Variants in BMPR1B observed in about 807,000 individuals in gnomAD.
BMPR1B encodes the protein bone morphogenetic protein receptor type 1B.
BMPR1B carries 12 observed loss-of-function variants against 59.1 expected under a neutral mutation model. That is an observed-to-expected ratio of 0.20 (90% CI 0.13 to 0.33). The LOEUF (loss-of-function observed/expected upper bound fraction) is 0.33, where lower values mean the gene tolerates loss of function less well. BMPR1B is among the 10% of genes least tolerant of loss of function. The probability of loss-of-function intolerance (pLI) is 1.00; values close to 1 mark genes in which losing one functional copy is unlikely to be tolerated. For missense variants in BMPR1B, 550 were observed against 610.9 expected, an observed-to-expected ratio of 0.90 and a Z score of 1.05; for synonymous variants, 237 against 207.3, an observed-to-expected ratio of 1.14 and a Z score of -1.23.
intron 2 of BMPR1B, among the ~76,000 whole-genome samples, chr4:94,960,686 T>G (rs1051653273): frequency 5.3e-5 from 8 of 151,192 alleles, no homozygotes; most frequent in African/African-American, 2.0e-4. Flanking sequence ...TAAGGAATTT[T>G]ATACAGGCTA....
intron 12 of BMPR1B, among the ~76,000 whole-genome samples, chr4:95,153,963 A>G (rs570182037): frequency 1.1e-4 from 16 of 152,238 alleles, no homozygotes; most frequent in South Asian, 2.1e-4. Context: ...GCTTTATGAG[A>G]TGCTGGAGCT....
intron 2 of BMPR1B, among the ~76,000 whole-genome samples, chr4:94,902,674 G>T (rs1578782456): frequency 6.6e-6 from 1 of 151,702 alleles, no homozygotes; most frequent in Admixed American, 6.6e-5. Flanking sequence ...TTTAATCTTT[G>T]AGTTATTGCT....
At chr4:95,035,766 C>T (rs536001038) in intron 3 of BMPR1B, among the ~76,000 whole-genome samples, 109 of 152,190 alleles carry the variant, frequency 7.2e-4, no homozygotes, top group African/African-American at 2.5e-3. Flanking sequence ...TATACAGACT[C>T]TTTTGTGGTT....
chr4:95,081,586 A>T (rs1277564308), intron 3 of BMPR1B, among the ~76,000 whole-genome samples: 2 of 152,170 alleles, frequency 1.3e-5, no homozygotes, highest in South Asian at 4.1e-4. Flanking sequence ...CTGTTGTTTC[A>T]TATTCATGCA....
intron 2 of BMPR1B, among the ~76,000 whole-genome samples, chr4:94,983,160 A>G (rs1332905840): frequency 6.6e-6 from 1 of 152,102 alleles, no homozygotes; most frequent in Non-Finnish European, 1.5e-5. Flanking sequence ...GCTCTGCTTT[A>G]AGCAGACATT....
At chr4:94,811,740 C>T (rs561628489) in intron 1 of BMPR1B, among the ~76,000 whole-genome samples, 1 of 152,164 alleles carries the variant, frequency 6.6e-6, no homozygotes, top group South Asian at 2.1e-4. Context: ...CCTTTGAATC[C>T]AAATATTTTC....
chr4:94,906,577 A>G (rs1234004661), intron 2 of BMPR1B, among the ~76,000 whole-genome samples: 2 of 152,036 alleles, frequency 1.3e-5, no homozygotes, highest in African/African-American at 2.4e-5. Context: ...TGACGGGTGC[A>G]GCAAACCACC....
At chr4:94,781,454 C>A (rs889992946) in intron 1 of BMPR1B, among the ~76,000 whole-genome samples, 1 of 151,962 alleles carries the variant, frequency 6.6e-6, no homozygotes, top group African/African-American at 2.4e-5. Context: ...GCTCTGTCAC[C>A]CAGGCCAGAG....
chr4:94,984,601 A>G (rs1721288999), intron 2 of BMPR1B, among the ~76,000 whole-genome samples: 1 of 152,208 alleles, frequency 6.6e-6, no homozygotes, highest in Non-Finnish European at 1.5e-5. Flanking sequence ...AGGTTTTTCA[A>G]AAGGACAGTC....
Position 94,868,090 on chromosome 4 carries a change from T to G in BMPR1B, c.-182-7741T>G, listed in dbSNP as rs563775470. ...GTTGCCCAGTCTAATCTAGAAGTTT[T>G]GGGCTCAAGCAGTTCTCTTGCCTCA... On this transcript the variant is annotated intron_variant, in intron 1 of 12. Transcript: ENST00000515059. Among the ~76,000 whole-genome samples, 14 of 151,978 alleles carry G rather than the reference T, an allele frequency of 9.2e-5. No homozygotes were observed. The South Asian group carries it at 2.7e-3, about 29-fold the overall frequency.
intron 3 of BMPR1B, among the ~76,000 whole-genome samples, chr4:95,026,098 ATTTCTTTCTTTCTTTCTTTCTTTC>A (rs70946580): frequency 5.6e-4 from 57 of 101,714 alleles, no homozygotes; most frequent in Middle Eastern, 4.8e-3. Context: ...GCTTTCTTTC[ATTTCTTTCTTTCTTTCTTTCTTTC>A]TTTCTTTCTT....
At chr4:94,875,502 G>A (rs532959133) in intron 1 of BMPR1B, among the ~76,000 whole-genome samples, 2 of 152,272 alleles carry the variant, frequency 1.3e-5, no homozygotes, top group African/African-American at 4.8e-5. Flanking sequence ...GGCTAACACG[G>A]TGAAACCCCG....
chr4:95,115,738 C>T lies in BMPR1B; in HGVS notation c.300C>T (p.Asn100=), dbSNP rs140499888. The T allele has an allele frequency of 3.3e-4, 530 of 1,613,604 alleles. No homozygotes were observed. The highest frequency in any genetic ancestry group is 4.2e-4 in the Non-Finnish European group (490 of 1,179,810). The change falls in exon 6 of 13, where the codon AAC becomes AAT. Residue 100 remains asparagine (N), a synonymous_variant. Transcript: ENST00000515059. ...RRSIECCTER[N]ECNKDLHPTL... is the part of the protein sequence containing the mutation. Reference sequence around the variant, plus strand: ...CAATTGAATGCTGCACAGAAAGGAACGAATGTAATAAAGACCTACACCCTA... The same window carrying T: ...CAATTGAATGCTGCACAGAAAGGAATGAATGTAATAAAGACCTACACCCTA...
chr4:95,114,879 C>A, intron 5 of BMPR1B, 57 bp downstream of exon 5: 2 of 1,485,318 alleles, frequency 1.3e-6, no homozygotes, highest in African/African-American at 1.4e-5. Flanking sequence ...CAACAAGTTT[C>A]AAGCAAGATA....
At chr4:94,799,871 A>G (rs1184292604) in intron 1 of BMPR1B, among the ~76,000 whole-genome samples, 1 of 151,510 alleles carries the variant, frequency 6.6e-6, no homozygotes. Context: ...TTGTGTTTTT[A>G]GTAGAGATGG....
intron 3 of BMPR1B, among the ~76,000 whole-genome samples, chr4:95,072,814 T>A (rs1187046730): frequency 6.6e-6 from 1 of 152,160 alleles, no homozygotes; most frequent in Non-Finnish European, 1.5e-5. Flanking sequence ...AATTATTTCA[T>A]TAATCATTTT....
intron 3 of BMPR1B, among the ~76,000 whole-genome samples, chr4:95,035,212 C>A (rs1255694004): frequency 1.3e-5 from 2 of 152,110 alleles, no homozygotes; most frequent in Non-Finnish European, 2.9e-5. Flanking sequence ...TGAATATTTT[C>A]TCCCACACTG....
At chr4:95,082,695 C>G (rs1264123148) in intron 3 of BMPR1B, among the ~76,000 whole-genome samples, 1 of 152,018 alleles carries the variant, frequency 6.6e-6, no homozygotes, top group Non-Finnish European at 1.5e-5. Flanking sequence ...ATTCAGTACC[C>G]TTTTTTCATG....
intron 1 of BMPR1B, among the ~76,000 whole-genome samples, chr4:94,776,189 C>T (rs1021528814): frequency 6.6e-6 from 1 of 151,464 alleles, no homozygotes; most frequent in African/African-American, 2.4e-5. Flanking sequence ...TCACTATTTC[C>T]TCTGTATTAA....
Sources: gnomAD v4.1 joint callset for allele counts (sites outside exome capture counted in the v4.1 genomes callset) on GRCh38, gnomAD v4.1.1 for gene constraint, MANE v1.5 for transcripts, NCBI Gene and HGNC (gene_info 2026-07-23, HGNC 2026-07-21) for gene names.